The following SERPINB8 variants were observed in gnomAD, a reference collection of about 807,000 sequenced individuals.
SERPINB8 encodes serpin B8.
A neutral mutation model predicts 35.3 loss-of-function variants in SERPINB8; 25 were observed. That is an observed-to-expected ratio of 0.71 (90% confidence interval 0.52 to 0.99). The LOEUF is 0.99. Ranked by LOEUF, SERPINB8 falls within the 50% of genes least tolerant of loss-of-function variation. SERPINB8 has a pLI of 0.00. For synonymous variants in SERPINB8, 186 were observed against 160.8 expected, an observed-to-expected ratio of 1.16 and a Z score of -1.19; for missense variants, 484 against 446.5, an observed-to-expected ratio of 1.08 and a Z score of -0.76.
intron 7 of SERPINB8, among the ~76,000 whole-genome samples, chr18:64,012,016 G>A (rs1385066315): frequency 6.6e-6 from 1 of 152,038 alleles, no homozygotes; most frequent in Non-Finnish European, 1.5e-5. Flanking sequence ...GTTCCTGATG[G>A]TACAATAAGC....
At chr18:64,006,569 C>T (rs903797296), downstream of SERPINB8, among the ~76,000 whole-genome samples, 4 of 152,086 alleles carry the variant, frequency 2.6e-5, no homozygotes, top group African/African-American at 9.7e-5. Flanking sequence ...CTGCCAGCCT[C>T]AAGAATGCAA....
At chr18:63,986,009 A>C (rs562736839) in intron 6 of SERPINB8, among the ~76,000 whole-genome samples, 1 of 152,330 alleles carries the variant, frequency 6.6e-6, no homozygotes, top group South Asian at 2.1e-4. Flanking sequence ...ACCAATGCAC[A>C]GGATGTTGAG....
chr18:64,013,186 C>T (rs951784022), intron 7 of SERPINB8, among the ~76,000 whole-genome samples: 5 of 151,686 alleles, frequency 3.3e-5, no homozygotes, highest in African/African-American at 1.2e-4. Flanking sequence ...CTTTCTTCCC[C>T]CCGCTCCAGT....
chr18:63,977,591 G>A (rs1007599276), intron 1 of SERPINB8, among the ~76,000 whole-genome samples: 4 of 152,176 alleles, frequency 2.6e-5, no homozygotes, highest in African/African-American at 9.7e-5. Flanking sequence ...GCTTTCCAAA[G>A]TGCTGGGATT....
At chr18:63,983,995 C>T (rs1176212151) in intron 5 of SERPINB8, among the ~76,000 whole-genome samples, 1 of 152,118 alleles carries the variant, frequency 6.6e-6, no homozygotes. Flanking sequence ...TACAGGTGCA[C>T]ACCACCAGGC....
intron 1 of SERPINB8, among the ~76,000 whole-genome samples, chr18:64,000,576 C>G (rs2050869583): frequency 6.6e-6 from 1 of 152,194 alleles, no homozygotes; most frequent in Admixed American, 6.5e-5. Context: ...CCCCCTGGGC[C>G]AGCCATGCCC....
intron 1 of SERPINB8, among the ~76,000 whole-genome samples, chr18:63,997,120 A>C (rs2050853669): frequency 6.6e-6 from 1 of 152,220 alleles, no homozygotes; most frequent in Admixed American, 6.5e-5. Flanking sequence ...GGGTTTTTCA[A>C]CTTATAAGAT....
At chr18:64,015,703 A>G (rs2050946739) in intron 7 of SERPINB8, among the ~76,000 whole-genome samples, 1 of 152,146 alleles carries the variant, frequency 6.6e-6, no homozygotes, top group Admixed American at 6.5e-5. Flanking sequence ...CATTTGTTTC[A>G]TCTTCATCTT....
intron 7 of SERPINB8, among the ~76,000 whole-genome samples, chr18:64,016,020 G>A (rs1276553684): frequency 1.3e-5 from 2 of 152,236 alleles, no homozygotes; most frequent in Admixed American, 6.5e-5. Flanking sequence ...ATGTTAGAAA[G>A]CTTATTTATA....
At chr18:63,981,183 C>T (rs2050665779) in intron 3 of SERPINB8, among the ~76,000 whole-genome samples, 1 of 152,238 alleles carries the variant, frequency 6.6e-6, no homozygotes, top group Non-Finnish European at 1.5e-5. Flanking sequence ...GCCTATCACG[C>T]TCCATTCCCA....
chr18:63,981,145 C>T (rs1305920448), intron 3 of SERPINB8, among the ~76,000 whole-genome samples: 1 of 152,122 alleles, frequency 6.6e-6, no homozygotes, highest in Non-Finnish European at 1.5e-5. Flanking sequence ...ACGTATGAAC[C>T]CAGTTGCACA....
downstream of SERPINB8, among the ~76,000 whole-genome samples, chr18:64,009,602 GC>G (rs2050916393): frequency 6.6e-6 from 1 of 152,206 alleles, no homozygotes; most frequent in African/African-American, 2.4e-5. Flanking sequence ...GGAAATGATC[GC>G]CCAGTGTAGT....
chr18:63,992,365 T>G (rs938269896), downstream of SERPINB8, among the ~76,000 whole-genome samples: 4 of 152,224 alleles, frequency 2.6e-5, no homozygotes, highest in Admixed American at 2.0e-4. Flanking sequence ...ATTTGTTCAT[T>G]TTCTAGTCAT....
downstream of SERPINB8, among the ~76,000 whole-genome samples, chr18:63,991,738 G>C (rs2050825977): frequency 6.6e-6 from 1 of 151,938 alleles, no homozygotes; most frequent in African/African-American, 2.4e-5. Flanking sequence ...TCCTTGTCTG[G>C]TTCCTGATCT....
chr18:64,003,263 G>C (rs1047033740), intron 1 of SERPINB8, among the ~76,000 whole-genome samples: 1 of 152,166 alleles, frequency 6.6e-6, no homozygotes, highest in African/African-American at 2.4e-5. Flanking sequence ...TTGCCTGGTA[G>C]AGGAGCTGCC....
chr18:64,009,671 A>C (rs1022229118), downstream of SERPINB8, among the ~76,000 whole-genome samples: 6 of 152,202 alleles, frequency 3.9e-5, no homozygotes, highest in Middle Eastern at 3.2e-3. Flanking sequence ...ATTGCTGACA[A>C]CCCATTTATG....
rs1383342074 is a variant in SERPINB8 at position 63,989,252 on chromosome 18, C to T, written c.*1974C>T. On this transcript the variant is annotated 3_prime_UTR_variant, in exon 7 of 7. Coordinates refer to ENST00000397985, the MANE Select transcript of SERPINB8 (RefSeq NM_002640.4). ...GTTCATCCCTTTTATTGGTAAGTAA[C>T]ATTTTTTTGTATAGGTATACCATGA... 1.3e-5 allele frequency: 2 copies of T among 152,138 alleles called. No homozygotes were observed. Among genetic ancestry groups the T allele is most frequent in the African/African-American group, 4.8e-5 (2 of 41,414 alleles). The allele number at this position is 152,138 out of a possible 1,614,324, so 9.4% of individuals were successfully genotyped here.
At chr18:64,000,680 T>C (rs903665306) in intron 1 of SERPINB8, among the ~76,000 whole-genome samples, 2 of 152,138 alleles carry the variant, frequency 1.3e-5, no homozygotes, top group African/African-American at 4.8e-5. Flanking sequence ...ACCTCCTTAT[T>C]AGGGGGCCTG....
Position 63,987,559 on chromosome 18 carries a change from G to T in SERPINB8, c.*281G>T, listed in dbSNP as rs188425381. On this transcript the variant is annotated 3_prime_UTR_variant, in exon 7 of 7. Coordinates refer to ENST00000397985, the MANE Select transcript of SERPINB8 (RefSeq NM_002640.4). ...TAAGTCTGTGCCCATTGTTTCAGGG[G>T]ATCTTATGGAGCATCTCAGGGCTTC... is the stretch of plus-strand genomic sequence containing the variant. 307 of 372,126 alleles carry T rather than the reference G, an allele frequency of 8.2e-4. No individual in the cohort carries two copies. The highest frequency in any genetic ancestry group is 4.7e-3 in the South Asian group (105 of 22,534). 23.1% of individuals were successfully genotyped at this position (372,126 alleles called of 1,614,324 possible). A position where few individuals can be genotyped will look rare whatever the true frequency, so the allele number is the denominator to read the frequency against.
Sources: allele counts gnomAD v4.1 joint callset (sites outside exome capture counted in the v4.1 genomes callset), GRCh38; gene constraint gnomAD v4.1.1; transcripts MANE v1.5; gene names NCBI Gene and HGNC (gene_info 2026-07-23, HGNC 2026-07-21).